Variants in SMPD3 observed in about 807,000 individuals in gnomAD.
SMPD3 encodes sphingomyelin phosphodiesterase 3, also known as nSMase-2.
In SMPD3, 21 loss-of-function variants were observed where a neutral mutation model predicts 55.7. That is an observed-to-expected ratio of 0.38 (90% confidence interval 0.27 to 0.54). The LOEUF (loss-of-function observed/expected upper bound fraction) is 0.54, where lower values mean the gene tolerates loss of function less well. SMPD3 is among the 20% of genes least tolerant of loss of function. SMPD3 has a pLI of 0.80. For synonymous variants in SMPD3, 457 were observed against 404.3 expected (o/e 1.13, Z -1.56); for missense variants, 842 against 899.6 (o/e 0.94, Z 0.82).
rs1402141252 is a variant in SMPD3, at chr16:68,367,442, TGCTGTGC to T, written c.1324-2357_1324-2351del. 8 of 9,320 alleles carry T rather than the reference TGCTGTGC, an allele frequency of 8.6e-4. No individual in the cohort carries two copies. The African/African-American group carries it at 0.013, about 16-fold the overall frequency. The allele number at this position is 9,320 out of a possible 1,614,324, so 0.6% of individuals were successfully genotyped here. A position where few individuals can be genotyped will look rare whatever the true frequency, so the allele number is the denominator to read the frequency against. On this transcript the variant is annotated intron_variant, in intron 3 of 8. Coordinates refer to ENST00000219334, the MANE Select transcript of SMPD3 (RefSeq NM_018667.4). The stretch of plus-strand genomic sequence containing the variant: ...CCAGTCGGATCTGTTTGTCGTGCGC[TGCTGTGC>T]GCTGCTCTGCGCTGCTTTCTGAGGG...
chr16:68,428,496 T>C (rs9806990), intron 1 of SMPD3, among the ~76,000 whole-genome samples: 116,501 of 152,174 alleles, frequency 0.77, 44,872 homozygotes, highest in East Asian at 0.88. Flanking sequence ...AGAAGGGACT[T>C]CTCATCCTGG....
chr16:68,367,994 C>T (rs904708250), intron 3 of SMPD3: 8 of 152,212 alleles, frequency 5.3e-5, no homozygotes, highest in African/African-American at 1.9e-4. Context: ...AGGAGGGGAC[C>T]GCTGATTTCT....
intron 1 of SMPD3, among the ~76,000 whole-genome samples, chr16:68,412,783 G>A (rs1039063068): frequency 6.6e-6 from 1 of 152,204 alleles, no homozygotes; most frequent in Admixed American, 6.5e-5. Flanking sequence ...AAGTTATCAA[G>A]ACATTGTAAA....
At chr16:68,413,593 C>T (rs2090318291) in intron 1 of SMPD3, among the ~76,000 whole-genome samples, 2 of 152,110 alleles carry the variant, frequency 1.3e-5, no homozygotes, top group Admixed American at 6.5e-5. Flanking sequence ...AAAGGTCAAA[C>T]TATAAAAAGA....
rs2089026072 is a variant in SMPD3, at chr16:68,358,877, G to C, written c.*2329C>G. On this transcript the variant is annotated 3_prime_UTR_variant, in exon 9 of 9. Transcript: ENST00000219334. ...GGCCTGGCCTGCACACAAGGCCCGG[G>C]AGTCCATAGGCAGCCACAATGAGAC... is the stretch of plus-strand genomic sequence containing the variant. The C allele has an allele frequency of 1.3e-5, 2 of 152,548 alleles. No homozygotes were observed. Among genetic ancestry groups the C allele is most frequent in the African/African-American group, 4.8e-5 (2 of 41,458 alleles). 9.4% of individuals were successfully genotyped at this position (152,548 alleles called of 1,614,324 possible).
At chr16:68,399,469 C>T (rs542243897) in intron 1 of SMPD3, among the ~76,000 whole-genome samples, 120 of 152,340 alleles carry the variant, frequency 7.9e-4, no homozygotes, top group African/African-American at 2.5e-3. Context: ...GCTGTCCCCA[C>T]GCCCCCAGTA....
intron 1 of SMPD3, among the ~76,000 whole-genome samples, chr16:68,395,727 A>G (rs1021365929): frequency 1.1e-4 from 16 of 152,268 alleles, no homozygotes; most frequent in African/African-American, 3.4e-4. Context: ...ACATCAAGGG[A>G]AAAGTAAAAT....
chr16:68,363,441 G>C (rs2089375610), intron 7 of SMPD3, 55 bp downstream of exon 7: 16 of 1,599,862 alleles, frequency 1.0e-5, no homozygotes, highest in Non-Finnish European at 1.4e-5. Flanking sequence ...CCCAGTCCCT[G>C]TCTCCACCTT....
chr16:68,409,867 C>A (rs1031009940), intron 1 of SMPD3, among the ~76,000 whole-genome samples: 1 of 152,220 alleles, frequency 6.6e-6, no homozygotes, highest in Non-Finnish European at 1.5e-5. Flanking sequence ...GCTGGGATTA[C>A]AGGCGTGAGC....
chr16:68,431,208 C>T (rs1389259162), intron 1 of SMPD3, among the ~76,000 whole-genome samples: 1 of 152,166 alleles, frequency 6.6e-6, no homozygotes, highest in Non-Finnish European at 1.5e-5. Context: ...TGCCGACTCC[C>T]AGGGAAGTGA....
At chr16:68,398,880 G>A (rs548615461) in intron 1 of SMPD3, among the ~76,000 whole-genome samples, 4 of 152,342 alleles carry the variant, frequency 2.6e-5, no homozygotes, top group South Asian at 4.1e-4. Flanking sequence ...AGAGCACACC[G>A]AAGTGGAGTG....
intron 1 of SMPD3, among the ~76,000 whole-genome samples, chr16:68,389,228 T>TA (rs2152003467): frequency 6.6e-6 from 1 of 152,320 alleles, no homozygotes; most frequent in East Asian, 1.9e-4. Context: ...GTGGGCCGTT[T>TA]ACCTAGCACA....
rs756204362 is a variant in SMPD3 at position 68,361,010 on chromosome 16, C to G, written c.*196G>C. 2 of 572,664 alleles carry G rather than the reference C, an allele frequency of 3.5e-6. No homozygotes were observed. The highest frequency in any genetic ancestry group is 3.8e-5 in the African/African-American group (2 of 53,266). 35.5% of individuals were successfully genotyped at this position (572,664 alleles called of 1,614,324 possible). A position where few individuals can be genotyped will look rare whatever the true frequency, so the allele number is the denominator to read the frequency against. On this transcript the variant is annotated 3_prime_UTR_variant, in exon 9 of 9. Transcript: ENST00000219334. ...GTTAGGCAGCTGGAGGCTCCTGGGGCGGGCCTGACTCCTCTGTCCACAGTG... is the reference window on the plus strand; with the variant it reads ...GTTAGGCAGCTGGAGGCTCCTGGGGGGGGCCTGACTCCTCTGTCCACAGTG...
At chr16:68,377,644 C>T (rs923836297) in intron 2 of SMPD3, among the ~76,000 whole-genome samples, 4 of 152,212 alleles carry the variant, frequency 2.6e-5, no homozygotes, top group Admixed American at 2.0e-4. Flanking sequence ...GGAATAAGGC[C>T]TAGCCAGGCT....
In SMPD3 at chr16:68,447,430, A is replaced by G. The variant is rs1027688566; in HGVS notation, c.-269+923T>C. Among the ~76,000 whole-genome samples the G allele has an allele frequency of 6.6e-5, 10 of 152,058 alleles. No individual in the cohort carries two copies. The highest frequency in any genetic ancestry group is 2.4e-4 in the African/African-American group (10 of 41,418). ...CTCGGTCCCCGGGGCGTGGTGGGCT[A>G]GGGCGGGTCGTCTCGACTTAGAGCC... On this transcript the variant is annotated intron_variant, in intron 1 of 8. Transcript: ENST00000219334. The surrounding 1 kb of genome is among the most constrained non-coding windows in gnomAD (Gnocchi z 5.1).
intron 2 of SMPD3, among the ~76,000 whole-genome samples, chr16:68,384,352 G>A (rs1467755236): frequency 6.6e-6 from 1 of 152,228 alleles, no homozygotes; most frequent in Non-Finnish European, 1.5e-5. Context: ...GGGATAACTA[G>A]AGGACCTTAG....
At chr16:68,380,882 A>T (rs557075374) in intron 2 of SMPD3, among the ~76,000 whole-genome samples, 66 of 152,352 alleles carry the variant, frequency 4.3e-4, no homozygotes, top group Non-Finnish European at 8.2e-4. Flanking sequence ...TCCTTCTGGA[A>T]CGGATTGGCC....
At chr16:68,419,063 T>A (rs989229186) in intron 1 of SMPD3, among the ~76,000 whole-genome samples, 2 of 152,058 alleles carry the variant, frequency 1.3e-5, no homozygotes, top group African/African-American at 4.8e-5. Flanking sequence ...TTTGTAGAAA[T>A]AGGCCTCAGG....
intron 1 of SMPD3, among the ~76,000 whole-genome samples, chr16:68,424,626 G>A (rs372711447): frequency 3.3e-5 from 5 of 152,182 alleles, no homozygotes; most frequent in Non-Finnish European, 5.9e-5. Context: ...TCAGCGCCAC[G>A]CCAGGCATCA....
Sources: gnomAD v4.1 joint callset for allele counts (sites outside exome capture counted in the v4.1 genomes callset) on GRCh38, gnomAD v4.1.1 for gene constraint, Gnocchi (gnomAD v3.1) non-coding constraint, MANE v1.5 for transcripts, NCBI Gene and HGNC (gene_info 2026-07-23, HGNC 2026-07-21) for gene names.